JAKMIP2: variants seen among roughly 807,000 people sequenced by gnomAD.
JAKMIP2 encodes the protein janus kinase and microtubule-interacting protein 2.
In JAKMIP2, 25 loss-of-function variants were observed where a neutral mutation model predicts 115.0. The ratio of observed to expected loss-of-function variants is 0.22; its 90% CI spans 0.16 to 0.30. JAKMIP2 has a LOEUF of 0.30. Ranked by LOEUF, JAKMIP2 falls within the 10% of genes least tolerant of loss-of-function variation. The pLI is 1.00. For synonymous variants in JAKMIP2, 334 were observed against 343.6 expected (o/e 0.97, Z 0.31); for missense variants, 642 against 957.6 (o/e 0.67, Z 4.35).
rs148464188 is a variant in JAKMIP2 at position 147,635,687 on chromosome 5, A to G, written c.1677+535T>C. Among the ~76,000 whole-genome samples the G allele has an allele frequency of 3.1e-3, 465 of 152,152 alleles. 2 individuals carry two copies. The highest frequency in any genetic ancestry group is 0.011 in the African/African-American group (441 of 41,528). ...GATGATTCTCCTGTCTCAGCCTCCT[A>G]AGTATCTGGGATTACAGGCATGTGC... On this transcript the variant is annotated intron_variant, in intron 12 of 21. Coordinates refer to ENST00000616793, the MANE Select transcript of JAKMIP2 (RefSeq NM_001270941.2).
At chr5:147,741,563 CTGAT>C (rs1424378174) in intron 1 of JAKMIP2, among the ~76,000 whole-genome samples, 1 of 152,000 alleles carries the variant, frequency 6.6e-6, no homozygotes, top group Non-Finnish European at 1.5e-5. Flanking sequence ...TTGTTTTACT[CTGAT>C]TTATCCATTG....
At chr5:147,668,883 A>G (rs1420394374) in intron 2 of JAKMIP2, among the ~76,000 whole-genome samples, 2 of 152,230 alleles carry the variant, frequency 1.3e-5, no homozygotes, top group African/African-American at 2.4e-5. Flanking sequence ...CATGACAGAT[A>G]GTAAACATTC....
intron 1 of JAKMIP2, among the ~76,000 whole-genome samples, chr5:147,724,682 A>G (rs1333535374): frequency 6.6e-6 from 1 of 152,230 alleles, no homozygotes; most frequent in Non-Finnish European, 1.5e-5. Flanking sequence ...ATTAAATACA[A>G]TGGTGATATA....
At chr5:147,655,413 C>G (rs1263488250) in intron 3 of JAKMIP2, among the ~76,000 whole-genome samples, 1 of 152,130 alleles carries the variant, frequency 6.6e-6, no homozygotes, top group South Asian at 2.1e-4. Context: ...TTGACTTCTT[C>G]CTGGTTTAGT....
At chr5:147,764,857 G>C (rs968007790) in intron 1 of JAKMIP2, among the ~76,000 whole-genome samples, 2 of 144,004 alleles carry the variant, frequency 1.4e-5, no homozygotes, top group Admixed American at 1.4e-4. Flanking sequence ...CTGCACTCCA[G>C]GCTGGTGACA....
At chr5:147,672,529 G>C (rs1759667310) in intron 1 of JAKMIP2, among the ~76,000 whole-genome samples, 1 of 152,148 alleles carries the variant, frequency 6.6e-6, no homozygotes, top group South Asian at 2.1e-4. Context: ...TTTGGAAATA[G>C]AAAAATAAGT....
chr5:147,665,421 G>A (rs1759244457), intron 2 of JAKMIP2, among the ~76,000 whole-genome samples: 1 of 152,118 alleles, frequency 6.6e-6, no homozygotes, highest in African/African-American at 2.4e-5. Context: ...TAAGACCTTG[G>A]GAAAGTTACT....
At chr5:147,700,377 A>G (rs1752276378) in intron 1 of JAKMIP2, among the ~76,000 whole-genome samples, 1 of 152,194 alleles carries the variant, frequency 6.6e-6, no homozygotes, top group African/African-American at 2.4e-5. Flanking sequence ...AGAGACATTT[A>G]GTGAACTAGC....
At chr5:147,606,469 GT>G (rs1289595850) in intron 20 of JAKMIP2, among the ~76,000 whole-genome samples, 2 of 152,138 alleles carry the variant, frequency 1.3e-5, no homozygotes, top group African/African-American at 4.8e-5. Context: ...TTTTTGGCAG[GT>G]TTGTCAAAGA....
At chr5:147,616,048 C>T (rs576477029) in intron 19 of JAKMIP2, among the ~76,000 whole-genome samples, 159 of 152,064 alleles carry the variant, frequency 1.0e-3, no homozygotes, top group Admixed American at 1.7e-3. Context: ...TGTTTCTAGC[C>T]GGAGTGATTT....
At chr5:147,618,716 A>G (rs1756707487) in intron 18 of JAKMIP2, among the ~76,000 whole-genome samples, 2 of 152,204 alleles carry the variant, frequency 1.3e-5, no homozygotes, top group Non-Finnish European at 2.9e-5. Context: ...TGGTCTGTGC[A>G]ACAAGAGTGA....
At chr5:147,597,183 G>A (rs1392764694) in intron 21 of JAKMIP2, among the ~76,000 whole-genome samples, 2 of 151,800 alleles carry the variant, frequency 1.3e-5, no homozygotes, top group Admixed American at 6.6e-5. Flanking sequence ...GCGCCTGGCC[G>A]ATCGTACTAA....
intron 3 of JAKMIP2, among the ~76,000 whole-genome samples, chr5:147,658,386 C>G (rs1175052490): frequency 1.3e-5 from 2 of 152,192 alleles, no homozygotes; most frequent in African/African-American, 4.8e-5. Flanking sequence ...CCTCTGGAAG[C>G]TTCATCTTAG....
At chr5:147,659,551 A>T (rs1260261110) in intron 3 of JAKMIP2, among the ~76,000 whole-genome samples, 1 of 152,210 alleles carries the variant, frequency 6.6e-6, no homozygotes, top group East Asian at 1.9e-4. Context: ...ATGCCGGTGA[A>T]AGGAAGTCGT....
chr5:147,597,203 T>C lies in JAKMIP2; in HGVS notation c.*20+4538A>G, dbSNP rs189245719. ...TGGCCGATCGTACTAATACTCTAAATGACGAATATAATAGAGACTGGTCAT... is the reference window on the plus strand; with the variant it reads ...TGGCCGATCGTACTAATACTCTAAACGACGAATATAATAGAGACTGGTCAT... On this transcript the variant is annotated intron_variant, in intron 21 of 21. Transcript: ENST00000616793. Among the ~76,000 whole-genome samples the C allele has an allele frequency of 1.8e-4, 27 of 152,234 alleles. No homozygotes were observed. In the East Asian group the frequency reaches 3.9e-3, roughly 22 times the overall value.
Position 147,631,414 on chromosome 5 carries a change from T to C in JAKMIP2, c.1874A>G (p.Lys625Arg). 1 of 1,584,934 alleles carries C rather than the reference T, an allele frequency of 6.3e-7. No homozygotes were observed. Among genetic ancestry groups the C allele is most frequent in the Non-Finnish European group, 8.6e-7 (1 of 1,160,614 alleles). Residue 625 changes from lysine to arginine, a missense_variant and splice_region_variant, in exon 14 of 22, where the codon AAG becomes AGG. Coordinates refer to ENST00000616793, the MANE Select transcript of JAKMIP2 (RefSeq NM_001270941.2). ...ATAAAAAATGAAATATCTGCCTACC[T>C]TAACACCTTCTTTCATACAGTAGAT... ...LQIYCMKEGVKDVNIPDLIKQ... is the reference protein window; with the variant it reads ...LQIYCMKEGVRDVNIPDLIKQ...
chr5:147,698,425 T>C (rs1360085818), intron 1 of JAKMIP2, among the ~76,000 whole-genome samples: 3 of 152,274 alleles, frequency 2.0e-5, no homozygotes, highest in South Asian at 2.1e-4. Context: ...CATGATTGTG[T>C]TTTGAAATGT....
intron 1 of JAKMIP2, among the ~76,000 whole-genome samples, chr5:147,731,295 C>T (rs184530590): frequency 1.7e-4 from 26 of 152,178 alleles, no homozygotes; most frequent in African/African-American, 5.5e-4. Context: ...AGGTAATTTA[C>T]ACTTCTGGGT....
intron 1 of JAKMIP2, among the ~76,000 whole-genome samples, chr5:147,756,733 A>G (rs766097236): frequency 2.6e-5 from 4 of 152,112 alleles, no homozygotes; most frequent in Non-Finnish European, 5.9e-5. Flanking sequence ...AGGGCCTGCC[A>G]ATATAAACAG....
Sources: gnomAD v4.1 joint callset for allele counts (sites outside exome capture counted in the v4.1 genomes callset) on GRCh38, gnomAD v4.1.1 for gene constraint, MANE v1.5 for transcripts, NCBI Gene and HGNC (gene_info 2026-07-23, HGNC 2026-07-21) for gene names.